The following TENM4 variants were observed in gnomAD, a reference collection of about 807,000 sequenced individuals.
The protein encoded by TENM4 is teneurin transmembrane protein 4, also known as teneurin-4.
A neutral mutation model predicts 243.3 loss-of-function variants in TENM4; 82 were observed. That is an observed-to-expected ratio of 0.34 (90% CI 0.28 to 0.40). The LOEUF (loss-of-function observed/expected upper bound fraction) is 0.40. Ranked by LOEUF, TENM4 falls within the 10% of genes least tolerant of loss-of-function variation. TENM4 has a pLI of 1.00. For missense variants in TENM4, 3,138 were observed against 3,673.3 expected (o/e 0.85, Z 3.77); for synonymous variants, 1,412 against 1,456.3 (o/e 0.97, Z 0.69).
chr11:78,697,297 A>G (rs929299911), intron 28 of TENM4, among the ~76,000 whole-genome samples: 2 of 152,262 alleles, frequency 1.3e-5, no homozygotes, highest in Non-Finnish European at 2.9e-5. Flanking sequence ...AAGCAGCAAG[A>G]TGTGGTGCAG....
intron 29 of TENM4, among the ~76,000 whole-genome samples, chr11:78,685,371 G>A (rs561219331): frequency 6.6e-6 from 1 of 152,306 alleles, no homozygotes; most frequent in Non-Finnish European, 1.5e-5. Flanking sequence ...AGACTCTAGT[G>A]AGGCAGCTGC....
At chr11:78,674,936 G>C (rs1858428252) in intron 30 of TENM4, among the ~76,000 whole-genome samples, 1 of 151,972 alleles carries the variant, frequency 6.6e-6, no homozygotes, top group Admixed American at 6.6e-5. Context: ...CGCGATCTCG[G>C]CTCATTGCAA....
At position 78,672,329 on chromosome 11, in the gene TENM4, C is replaced by G; in HGVS notation, c.5497G>C (p.Val1833Leu). The G allele has an allele frequency of 6.2e-7, 1 of 1,605,222 alleles. No individual in the cohort carries two copies. Among genetic ancestry groups the G allele is most frequent in the South Asian group, 1.1e-5 (1 of 90,714 alleles). ...QVTVFGRRLRVHNRNLLSLDF... is the reference protein window; with the variant it reads ...QVTVFGRRLRLHNRNLLSLDF... ...AGAGATAGGAGATTTCGGTTGTGAA[C>G]CTGGAGAAAGGGTTGGAAGGAAAGA... Residue 1833 changes from valine (V) to leucine (L), a missense_variant and splice_region_variant, in exon 31 of 34, where the codon GTT becomes CTT. Val to Leu is a conservative substitution (Grantham distance 32, BLOSUM62 1). Coordinates refer to ENST00000278550, the MANE Select transcript of TENM4 (RefSeq NM_001098816.3).
At chr11:79,062,990 T>C (rs922679303) in intron 6 of TENM4, among the ~76,000 whole-genome samples, 1 of 152,130 alleles carries the variant, frequency 6.6e-6, no homozygotes, top group Non-Finnish European at 1.5e-5. Context: ...TTCACAGGGC[T>C]GGCTGGGGAC....
intron 32 of TENM4, among the ~76,000 whole-genome samples, chr11:78,663,062 T>C (rs1458911234): frequency 1.3e-5 from 2 of 152,122 alleles, no homozygotes; most frequent in Non-Finnish European, 2.9e-5. Context: ...AGGATGACTG[T>C]GGCCGGAGCA....
At chr11:78,950,956 G>A (rs956579473) in intron 6 of TENM4, among the ~76,000 whole-genome samples, 6 of 152,188 alleles carry the variant, frequency 3.9e-5, no homozygotes, top group African/African-American at 1.4e-4. Context: ...AATGGGATTT[G>A]CTCATCTGTT....
rs117561767 is a variant in TENM4 at position 78,723,228 on chromosome 11, G to A, written c.3551-311C>T. Reference sequence around the variant, plus strand: ...ACAGAAGATAAGTGGAAGAGCTCCAGAGTCTGGGCGCTTAGCCATTCACCT... The same window carrying A: ...ACAGAAGATAAGTGGAAGAGCTCCAAAGTCTGGGCGCTTAGCCATTCACCT... On this transcript the variant is annotated intron_variant, in intron 23 of 33. Transcript: ENST00000278550. Among the ~76,000 whole-genome samples the A allele has an allele frequency of 7.7e-3, 1,178 of 152,366 alleles. 13 individuals carry two copies. The highest frequency in any genetic ancestry group is 0.013 in the Non-Finnish European group (853 of 68,036).
At chr11:78,885,947 A>T (rs933097004) in intron 9 of TENM4, among the ~76,000 whole-genome samples, 15 of 152,110 alleles carry the variant, frequency 9.9e-5, no homozygotes, top group African/African-American at 3.6e-4. Flanking sequence ...ACAAACAAAC[A>T]AACTAAATGT....
intron 27 of TENM4, among the ~76,000 whole-genome samples, chr11:78,706,652 T>C (rs1433664986): frequency 6.6e-6 from 1 of 152,268 alleles, no homozygotes; most frequent in African/African-American, 2.4e-5. Context: ...AGCATTTTTT[T>C]CCCCCTCCGC....
chr11:78,847,367 G>A (rs1226090385), intron 12 of TENM4, among the ~76,000 whole-genome samples: 1 of 152,234 alleles, frequency 6.6e-6, no homozygotes, highest in Non-Finnish European at 1.5e-5. Context: ...AGATCCCAAG[G>A]GCAGCAGAGA....
chr11:79,028,464 G>A (rs1366407353), intron 6 of TENM4, among the ~76,000 whole-genome samples: 1 of 152,198 alleles, frequency 6.6e-6, no homozygotes, highest in Non-Finnish European at 1.5e-5. Flanking sequence ...TGCAACACAG[G>A]CCTCAGCCAA....
chr11:79,332,994 A>T (rs1460285528), intron 1 of TENM4, among the ~76,000 whole-genome samples: 3 of 152,168 alleles, frequency 2.0e-5, no homozygotes, highest in Non-Finnish European at 4.4e-5. Flanking sequence ...AACAGTGAAT[A>T]TAGCAGGGGA....
At chr11:79,212,823 CT>C (rs1402296682) in intron 3 of TENM4, among the ~76,000 whole-genome samples, 1 of 152,350 alleles carries the variant, frequency 6.6e-6, no homozygotes, top group East Asian at 1.9e-4. Context: ...CCTCCTCCCC[CT>C]GATCTCCCAG....
intron 6 of TENM4, among the ~76,000 whole-genome samples, chr11:78,928,124 C>T (rs1314899081): frequency 1.3e-5 from 2 of 152,142 alleles, no homozygotes; most frequent in Non-Finnish European, 2.9e-5. Flanking sequence ...CCCTAGACTA[C>T]CCCAGCAAGA....
chr11:79,191,551 C>G (rs1333333045), intron 3 of TENM4: 1 of 164,078 alleles, frequency 6.1e-6, no homozygotes, highest in South Asian at 1.2e-4. Context: ...GCCGCCACCC[C>G]GTCTGGGAAG....
intron 2 of TENM4, among the ~76,000 whole-genome samples, chr11:79,267,985 G>A (rs1489827666): frequency 2.0e-5 from 3 of 152,176 alleles, no homozygotes; most frequent in Non-Finnish European, 4.4e-5. Context: ...GCGAGTGCTA[G>A]GAATCTGCAG....
intron 3 of TENM4, among the ~76,000 whole-genome samples, chr11:79,164,203 A>C: frequency 8.1e-6 from 1 of 123,182 alleles, no homozygotes; most frequent in African/African-American, 3.2e-5. Context: ...TACTATATAT[A>C]GTGTATAGTA....
intron 1 of TENM4, among the ~76,000 whole-genome samples, chr11:79,372,377 T>A (rs1200210930): frequency 6.6e-6 from 1 of 152,208 alleles, no homozygotes; most frequent in Non-Finnish European, 1.5e-5. Context: ...CAGAAGTGAA[T>A]GACTTTGCTG....
At chr11:78,704,544 T>C (rs1299471146) in intron 27 of TENM4, among the ~76,000 whole-genome samples, 2 of 152,148 alleles carry the variant, frequency 1.3e-5, no homozygotes, top group African/African-American at 2.4e-5. Context: ...TAGATGGATA[T>C]TTAATGACAT....
Sources: gnomAD v4.1 joint callset for allele counts (sites outside exome capture counted in the v4.1 genomes callset) on GRCh38, gnomAD v4.1.1 for gene constraint, MANE v1.5 for transcripts, NCBI Gene and HGNC (gene_info 2026-07-23, HGNC 2026-07-21) for gene names.